The following SETD2 variants were observed in gnomAD, a reference collection of about 807,000 sequenced individuals.
SETD2 encodes the protein histone-lysine N-methyltransferase SETD2.
A neutral mutation model predicts 242.1 loss-of-function variants in SETD2; 31 were observed. The ratio of observed to expected loss-of-function variants is 0.13; its 90% confidence interval spans 0.10 to 0.17. The LOEUF (loss-of-function observed/expected upper bound fraction) is 0.17. Among genes scored for constraint, SETD2 ranks in the 10% least tolerant of loss-of-function variants. The pLI, the probability that SETD2 is intolerant of heterozygous loss-of-function variation, is 1.00. For missense variants in SETD2, 2,481 were observed against 3,046.3 expected (o/e 0.81, Z 4.37); for synonymous variants, 1,006 against 1,066.5 (o/e 0.94, Z 1.11).
Position 47,123,991 on chromosome 3 carries a change from T to C in SETD2, c.645A>G (p.Pro215=). Residue 215 remains proline, a synonymous_variant, in exon 3 of 21, where the codon CCA becomes CCG. Coordinates refer to ENST00000409792, the MANE Select transcript of SETD2 (RefSeq NM_014159.7). The stretch of plus-strand genomic sequence containing the variant: ...CCATTAGAACTGTTATTGGTGTATG[T>C]GGCAAGGCCACTGGCTCTGTTACTG... The part of the protein sequence containing the change: ...PAPVTEPVAL[P]HTPITVLMAA... 3.2e-6 allele frequency: 5 copies of C among 1,552,240 alleles called. No individual in the cohort carries two copies. The highest frequency in any genetic ancestry group is 4.4e-6 in the Non-Finnish European group (5 of 1,147,022).
At chr3:47,028,197 A>T (rs921722588) in intron 18 of SETD2, among the ~76,000 whole-genome samples, 8 of 152,182 alleles carry the variant, frequency 5.3e-5, no homozygotes, top group African/African-American at 1.9e-4. Flanking sequence ...TCCTGAGACA[A>T]GGGACAAAAT....
intron 13 of SETD2, among the ~76,000 whole-genome samples, chr3:47,064,208 G>C (rs1281600043): frequency 6.6e-6 from 1 of 152,106 alleles, no homozygotes; most frequent in East Asian, 1.9e-4. Context: ...AACCGAGTTA[G>C]GTTTCATAAG....
At chr3:47,149,224 G>A (rs1350540290) in intron 1 of SETD2, among the ~76,000 whole-genome samples, 1 of 152,078 alleles carries the variant, frequency 6.6e-6, no homozygotes, top group Non-Finnish European at 1.5e-5. Flanking sequence ...TGGACAAACT[G>A]GTAAATGAAT....
chr3:47,122,012 C>T lies in SETD2; in HGVS notation c.2624G>A (p.Gly875Glu), dbSNP rs746474322. 7 of 1,613,824 alleles carry T rather than the reference C, an allele frequency of 4.3e-6. No homozygotes were observed. Reference sequence around the variant, plus strand: ...AAGAGATGAAGCAATACCTGAACTCCCAATAGGTTGATATAAATCATCAAA... The same window carrying T: ...AAGAGATGAAGCAATACCTGAACTCTCAATAGGTTGATATAAATCATCAAA... Reference protein sequence around the residue: ...NHFDDLYQPIGSSGIASSLQS... With the variant: ...NHFDDLYQPIESSGIASSLQS... The change falls in exon 3 of 21, where the codon GGG (glycine) becomes GAG (glutamate). Residue 875 changes from glycine (G) to glutamate (E), a missense_variant. Coordinates refer to ENST00000409792, the MANE Select transcript of SETD2 (RefSeq NM_014159.7).
At chr3:47,049,732 T>TAAAC (rs1189077773) in intron 15 of SETD2, among the ~76,000 whole-genome samples, 3 of 146,798 alleles carry the variant, frequency 2.0e-5, no homozygotes, top group Non-Finnish European at 4.5e-5. Flanking sequence ...TTATTCTGAG[T>TAAAC]TTATATTATA....
In SETD2 at chr3:47,123,970, T is replaced by G; in HGVS notation, c.666A>C (p.Leu222=). 2 of 1,551,488 alleles carry G rather than the reference T, an allele frequency of 1.3e-6. No individual in the cohort carries two copies. The highest frequency in any genetic ancestry group is 1.7e-6 in the Non-Finnish European group (2 of 1,146,324). The change falls in exon 3 of 21, where the codon CTA becomes CTC. Residue 222 remains leucine (L), a synonymous_variant. Transcript: ENST00000409792. Reference sequence around the variant, plus strand: ...CTGGTAAGGGTACTGGTGCTGCCATTAGAACTGTTATTGGTGTATGTGGCA... The same window carrying G: ...CTGGTAAGGGTACTGGTGCTGCCATGAGAACTGTTATTGGTGTATGTGGCA... ...VALPHTPITV[L]MAAPVPLPVD...
At chr3:47,087,985 A>AAACG in intron 10 of SETD2, 128 bp downstream of exon 10, 13 of 1,033,506 alleles carry the variant, frequency 1.3e-5, no homozygotes, top group Non-Finnish European at 1.7e-5. Flanking sequence ...ACAAACAAAC[A>AAACG]AACAAACAAA....
At chr3:47,068,199 CATA>C (rs1019363870) in intron 12 of SETD2, among the ~76,000 whole-genome samples, 1 of 152,184 alleles carries the variant, frequency 6.6e-6, no homozygotes, top group African/African-American at 2.4e-5. Context: ...AGAGGAATCT[CATA>C]ATATTAACCA....
Position 47,042,627 on chromosome 3 carries a change from A to G in SETD2, c.7172T>C (p.Leu2391Ser). ...PSPPKPKTIV[L>S]PPNWKTARDP... ...TCGAGCTGTCTTCCAGTTGGGAGGT[A>G]AGACAATGGTTTTTGGTTTGGGAGG... Residue 2391 changes from leucine to serine, a missense_variant, in exon 17 of 21, where the codon TTA becomes TCA. Leu to Ser is a moderately radical substitution (Grantham distance 145). This residue lies in a region of SETD2 where 235 missense variants were observed against 293.9 expected (regional missense o/e 0.80). Transcript: ENST00000409792. 1 of 1,613,832 alleles carries G rather than the reference A, an allele frequency of 6.2e-7. No homozygotes were observed. The highest frequency in any genetic ancestry group is 8.5e-7 in the Non-Finnish European group (1 of 1,179,874).
At chr3:47,126,622 TG>T in intron 2 of SETD2, 25 bp downstream of exon 2, 1 of 1,244,990 alleles carries the variant, frequency 8.0e-7, no homozygotes, top group Non-Finnish European at 1.1e-6. Flanking sequence ...TCATAATCAT[TG>T]AATGACTAGT....
At chr3:47,158,461 C>T (rs1193274293) in intron 1 of SETD2, among the ~76,000 whole-genome samples, 1 of 152,192 alleles carries the variant, frequency 6.6e-6, no homozygotes, top group Non-Finnish European at 1.5e-5. Flanking sequence ...TCCTCTTCTT[C>T]CTCCTCAGCC....
chr3:47,140,190 C>T (rs1335526584), intron 1 of SETD2, among the ~76,000 whole-genome samples: 6 of 152,260 alleles, frequency 3.9e-5, no homozygotes, highest in Admixed American at 1.3e-4. Context: ...AAGGTTAAGA[C>T]TATAATCCCA....
intron 1 of SETD2, among the ~76,000 whole-genome samples, chr3:47,162,629 G>C (rs972619245): frequency 2.0e-5 from 3 of 152,048 alleles, no homozygotes; most frequent in Non-Finnish European, 4.4e-5. Context: ...ATGTGGCAAG[G>C]GATTCAAAAA....
chr3:47,018,378 G>A (rs2038071779), intron 19 of SETD2, among the ~76,000 whole-genome samples: 1 of 152,106 alleles, frequency 6.6e-6, no homozygotes, highest in African/African-American at 2.4e-5. Flanking sequence ...AGGTATTTGT[G>A]GTGCTAAGAT....
chr3:47,101,564 A>G lies in SETD2; in HGVS notation c.4918-9T>C. ...TGTCCGTTCACAGTCCACTGAGATG[A>G]TGTTTGAAAACAAAAGAAATTAGTA... On this transcript the variant is annotated splice_polypyrimidine_tract_variant and intron_variant, in intron 7 of 20. Transcript: ENST00000409792. 6.5e-7 allele frequency: 1 copy of G among 1,535,080 alleles called. No individual in the cohort carries two copies.
At chr3:47,127,383 G>C (rs1051670120) in intron 1 of SETD2, among the ~76,000 whole-genome samples, 1 of 151,188 alleles carries the variant, frequency 6.6e-6, no homozygotes, top group African/African-American at 2.4e-5. Context: ...GAGACGATTC[G>C]TTTTTGAAGA....
Position 47,046,472 on chromosome 3 carries a change from T to A in SETD2, c.7098+15A>T, listed in dbSNP as rs768171651. The A allele has an allele frequency of 5.7e-6, 9 of 1,581,282 alleles. No individual in the cohort carries two copies. The highest frequency in any genetic ancestry group is 7.7e-6 in the Non-Finnish European group (9 of 1,162,670). On this transcript the variant is annotated intron_variant, in intron 16 of 20. Transcript: ENST00000409792. Reference sequence around the variant, plus strand: ...TAGACAGCCAATGAGTTTTAACAACTGAAACATTTCTTACTGGCTGCAAGG... The same window carrying A: ...TAGACAGCCAATGAGTTTTAACAACAGAAACATTTCTTACTGGCTGCAAGG...
At chr3:47,160,121 C>G (rs1697445611) in intron 1 of SETD2, among the ~76,000 whole-genome samples, 1 of 152,102 alleles carries the variant, frequency 6.6e-6, no homozygotes, top group Non-Finnish European at 1.5e-5. Context: ...AATGCCTTCA[C>G]CCCAGTTATT....
chr3:47,142,670 C>T (rs930593034), intron 1 of SETD2, among the ~76,000 whole-genome samples: 81 of 139,678 alleles, frequency 5.8e-4, no homozygotes, highest in African/African-American at 2.0e-3. Flanking sequence ...TATACATTGT[C>T]TTTTTTTTTT....
Sources: gnomAD v4.1 joint callset for allele counts (sites outside exome capture counted in the v4.1 genomes callset) on GRCh38, gnomAD v4.1.1 for gene constraint, gnomAD v4.1.1 regional missense constraint, MANE v1.5 for transcripts, NCBI Gene and HGNC (gene_info 2026-07-23, HGNC 2026-07-21) for gene names.